The following WSCD1 variants were observed in gnomAD, a reference collection of about 807,000 sequenced individuals.
WSCD1 encodes the protein WSC domain sialate O sulfotransferase 1.
WSCD1 carries 41 observed loss-of-function variants against 60.4 expected under a neutral mutation model. That is an observed-to-expected ratio of 0.68 (90% confidence interval 0.53 to 0.88). The LOEUF (loss-of-function observed/expected upper bound fraction) is 0.88, where lower values mean the gene tolerates loss of function less well. Among genes scored for constraint, WSCD1 ranks in the 40% least tolerant of loss-of-function variants. The pLI is 0.00. For synonymous variants in WSCD1, 361 were observed against 332.5 expected, an observed-to-expected ratio of 1.09 and a Z score of -0.93; for missense variants, 784 against 796.2, an observed-to-expected ratio of 0.98 and a Z score of 0.18.
At chr17:6,115,303 T>G (rs931966528) in intron 7 of WSCD1, among the ~76,000 whole-genome samples, 12 of 152,252 alleles carry the variant, frequency 7.9e-5, no homozygotes, top group African/African-American at 2.7e-4. Flanking sequence ...CCCTCAATAA[T>G]TAGGGGTGAA....
intron 2 of WSCD1, among the ~76,000 whole-genome samples, chr17:6,085,594 G>A (rs1358223432): frequency 6.6e-6 from 1 of 152,158 alleles, no homozygotes; most frequent in Non-Finnish European, 1.5e-5. Context: ...TCAGAAGCAT[G>A]TACAGCCTGG....
chr17:6,078,411 G>A (rs891870012), intron 1 of WSCD1, among the ~76,000 whole-genome samples: 2 of 152,220 alleles, frequency 1.3e-5, no homozygotes, highest in African/African-American at 2.4e-5. Flanking sequence ...TTTCTCTGAG[G>A]AACAATATCT....
chr17:6,120,470 A>G lies in WSCD1; in HGVS notation c.1537A>G (p.Ser513Gly), dbSNP rs1023591311. 1 of 1,613,964 alleles carries G rather than the reference A, an allele frequency of 6.2e-7. No homozygotes were observed. Among genetic ancestry groups the G allele is most frequent in the African/African-American group, 1.3e-5 (1 of 75,048 alleles). Residue 513 changes from serine (S) to glycine (G), a missense_variant, in exon 9 of 9, where the codon AGC becomes GGC. Transcript: ENST00000317744. The stretch of plus-strand genomic sequence containing the variant: ...GGTGGCCTTCCTCAACGTGTCTGTG[A>G]GCGAGGAGCGGCTGCTCTGCGTGGA... The part of the protein sequence containing the change: ...EMVAFLNVSV[S>G]EERLLCVENN...
chr17:6,102,016 A>T (rs1237924143), intron 5 of WSCD1, among the ~76,000 whole-genome samples: 1 of 152,138 alleles, frequency 6.6e-6, no homozygotes, highest in African/African-American at 2.4e-5. Flanking sequence ...GCTGTTAGTG[A>T]TTCTACTGAT....
chr17:6,098,164 G>GA (rs1555528089), intron 5 of WSCD1, among the ~76,000 whole-genome samples: 8 of 146,318 alleles, frequency 5.5e-5, no homozygotes, highest in Admixed American at 2.7e-4. Flanking sequence ...GGTGGGGGGG[G>GA]TCTCACCAAG....
chr17:6,085,777 C>A (rs2150536951), intron 2 of WSCD1, among the ~76,000 whole-genome samples: 1 of 152,340 alleles, frequency 6.6e-6, no homozygotes, highest in East Asian at 1.9e-4. Context: ...AGCAACCCAT[C>A]AGAAATTTCT....
At chr17:6,109,541 T>G in intron 5 of WSCD1, 66 bp from the exon 6 acceptor site, 89 of 1,569,458 alleles carry the variant, frequency 5.7e-5, no homozygotes, top group Non-Finnish European at 7.2e-5. Context: ...ATCCCATTCC[T>G]GAGCCCTGGG....
chr17:6,083,396 T>C lies in WSCD1; in HGVS notation c.427+2311T>C, dbSNP rs74915947. Among the ~76,000 whole-genome samples the C allele has an allele frequency of 6.8e-3, 1,038 of 152,304 alleles. 10 individuals carry two copies. Among genetic ancestry groups the C allele is most frequent in the African/African-American group, 0.024 (986 of 41,552 alleles). On this transcript the variant is annotated intron_variant, in intron 2 of 8. Transcript: ENST00000317744. ...CTCGGTCTGGTGATAGAGTCAGATA[T>C]GCACCCAAATTATTTCTACAAAGCA...
chr17:6,069,434 AGAG>A (rs1908389644), upstream of WSCD1: 1 of 154,002 alleles, frequency 6.5e-6, no homozygotes, highest in Non-Finnish European at 1.2e-5. Flanking sequence ...TGTGTGAGAG[AGAG>A]AGAGAGAGAG....
At chr17:6,090,091 G>A (rs1336094038) in intron 3 of WSCD1, among the ~76,000 whole-genome samples, 1 of 152,170 alleles carries the variant, frequency 6.6e-6, no homozygotes, top group Non-Finnish European at 1.5e-5. Context: ...TATACAGATG[G>A]AGAATCTGAG....
chr17:6,082,098 C>G (rs1291356783), intron 2 of WSCD1: 2 of 152,226 alleles, frequency 1.3e-5, no homozygotes. Flanking sequence ...TCCTATGCAC[C>G]TGTAAGTCTG....
chr17:6,104,429 T>A (rs1336080130), intron 5 of WSCD1, among the ~76,000 whole-genome samples: 1 of 152,192 alleles, frequency 6.6e-6, no homozygotes, highest in African/African-American at 2.4e-5. Flanking sequence ...CAGTTGCTCG[T>A]TGGCAGTCCA....
chr17:6,123,631 A>G lies in WSCD1; in HGVS notation c.*2970A>G, dbSNP rs1904834292. 6.6e-6 allele frequency: 1 copy of G among 152,186 alleles called. No individual in the cohort carries two copies. Among genetic ancestry groups the G allele is most frequent in the Non-Finnish European group, 1.5e-5 (1 of 68,038 alleles). 9.4% of individuals were successfully genotyped at this position (152,186 alleles called of 1,614,324 possible). ...CTGAGGTTGATGTTACGACTGCAAG[A>G]ATTCTTGGGACACAGGTTTGTTTTC... On this transcript the variant is annotated 3_prime_UTR_variant, in exon 9 of 9. Coordinates refer to ENST00000317744, the MANE Select transcript of WSCD1 (RefSeq NM_015253.2).
At position 6,080,588 on chromosome 17, in the gene WSCD1, C is replaced by G; in HGVS notation, c.-71C>G. Reference sequence around the variant, plus strand: ...TGCAAGGATGACGCCTCCGGAGGCCCTGGCCTCACTCCCACCTGGGCGCTA... The same window carrying G: ...TGCAAGGATGACGCCTCCGGAGGCCGTGGCCTCACTCCCACCTGGGCGCTA... On this transcript the variant is annotated 5_prime_UTR_variant, in exon 2 of 9. Transcript: ENST00000317744. This position sits in a 1 kb window ranked among gnomAD's most constrained non-coding sequence, Gnocchi z 6.6. 6.5e-7 allele frequency: 1 copy of G among 1,547,658 alleles called. No individual in the cohort carries two copies. The highest frequency in any genetic ancestry group is 8.8e-7 in the Non-Finnish European group (1 of 1,136,966).
At chr17:6,083,575 T>C (rs1206172580) in intron 2 of WSCD1, among the ~76,000 whole-genome samples, 1 of 152,104 alleles carries the variant, frequency 6.6e-6, no homozygotes, top group Admixed American at 6.5e-5. Context: ...GACTAGGAGT[T>C]TGAGACCAGC....
intron 7 of WSCD1, among the ~76,000 whole-genome samples, chr17:6,117,361 T>C (rs116626463): frequency 0.013 from 1,908 of 152,330 alleles, 42 homozygotes; most frequent in African/African-American, 0.042. Flanking sequence ...GAGGCAAGGC[T>C]GGGCCCTGTC....
intron 2 of WSCD1, among the ~76,000 whole-genome samples, chr17:6,086,142 T>C (rs889462702): frequency 2.0e-5 from 3 of 151,420 alleles, no homozygotes; most frequent in Non-Finnish European, 4.4e-5. Context: ...GGTCTTGGTG[T>C]GGTGGGGAGT....
intron 3 of WSCD1, 90 bp from the exon 4 acceptor site, chr17:6,090,231 A>G: frequency 7.6e-7 from 1 of 1,307,846 alleles, no homozygotes; most frequent in Non-Finnish European, 1.0e-6. Context: ...CATACTTTCT[A>G]ATCTACATCA....
Position 6,080,816 on chromosome 17 carries a change from A to G in WSCD1, c.158A>G (p.Gln53Arg). 6.2e-7 allele frequency: 1 copy of G among 1,609,328 alleles called. No individual in the cohort carries two copies. The highest frequency in any genetic ancestry group is 8.5e-7 in the Non-Finnish European group (1 of 1,178,618). ...GGCCCCCGGGCACCCGGCCCCCTGC[A>G]GACCTTGCCAGTGGCCGCCGTGGCG... ...PQGPRAPGPL[Q>R]TLPVAAVALG... is the part of the protein sequence containing the mutation. Residue 53 changes from glutamine to arginine, a missense_variant, in exon 2 of 9, where the codon CAG becomes CGG. Gln to Arg is a conservative substitution (Grantham distance 43). Transcript: ENST00000317744. This position sits in a 1 kb window ranked among gnomAD's most constrained non-coding sequence, Gnocchi z 6.6.
Sources: allele counts gnomAD v4.1 joint callset (sites outside exome capture counted in the v4.1 genomes callset), GRCh38; gene constraint gnomAD v4.1.1; non-coding constraint Gnocchi (gnomAD v3.1); transcripts MANE v1.5; gene names NCBI Gene and HGNC (gene_info 2026-07-23, HGNC 2026-07-21).